The following ARFGAP1 variants were observed in gnomAD, a reference collection of about 807,000 sequenced individuals.
The protein encoded by ARFGAP1 is ADP-ribosylation factor GTPase-activating protein 1.
ARFGAP1 carries 26 observed loss-of-function variants against 54.0 expected under a neutral mutation model. That is an observed-to-expected ratio of 0.48 (90% CI 0.35 to 0.67). The LOEUF (loss-of-function observed/expected upper bound fraction) is 0.67. Among genes scored for constraint, ARFGAP1 ranks in the 30% least tolerant of loss-of-function variants. The probability of loss-of-function intolerance (pLI) is 0.00; values close to 1 mark genes in which losing one functional copy is unlikely to be tolerated. For missense variants in ARFGAP1, 525 were observed against 535.8 expected (o/e 0.98, Z 0.20); for synonymous variants, 248 against 211.9 (o/e 1.17, Z -1.48).
chr20:63,286,628 G>A (rs1042317271), intron 12 of ARFGAP1, among the ~76,000 whole-genome samples, 186 bp downstream of exon 12: 2 of 151,934 alleles, frequency 1.3e-5, no homozygotes, highest in African/African-American at 2.4e-5. Flanking sequence ...GGAGGTGGCT[G>A]GCATCTTTGC....
chr20:63,274,521 C>T (rs558645587), intron 1 of ARFGAP1, among the ~76,000 whole-genome samples: 4 of 152,146 alleles, frequency 2.6e-5, no homozygotes, highest in Non-Finnish European at 4.4e-5. Context: ...TGTGTAGCTT[C>T]CCATGGCTTA....
chr20:63,287,865 A>G lies in ARFGAP1; in HGVS notation c.1213A>G (p.Asn405Asp), dbSNP rs2067605194. The change falls in exon 13 of 13, where the codon AAC (asparagine) becomes GAC (aspartate). Residue 405 changes from asparagine to aspartate, a missense_variant. Transcript: ENST00000370283. Reference protein sequence around the residue: ...VPTDDGWDNQNW With the variant: ...VPTDDGWDNQDW ...CACTGATGATGGCTGGGACAACCAG[A>G]ACTGGTAGGGCCCACTGCGCCCCCG... The G allele has an allele frequency of 1.2e-5, 18 of 1,543,844 alleles. No homozygotes were observed. The highest frequency in any genetic ancestry group is 1.6e-5 in the Non-Finnish European group (18 of 1,143,614).
In ARFGAP1 at chr20:63,287,804, G is replaced by A. The variant is rs1458824098; in HGVS notation, c.1152G>A (p.Gly384=). The A allele has an allele frequency of 6.3e-7, 1 of 1,597,530 alleles. No individual in the cohort carries two copies. The highest frequency in any genetic ancestry group is 1.7e-5 in the Admixed American group (1 of 58,006). The change falls in exon 13 of 13, where the codon GGG becomes GGA. Residue 384 remains glycine, a synonymous_variant. Coordinates refer to ENST00000370283, the MANE Select transcript of ARFGAP1 (RefSeq NM_018209.4). ...RNSNSDGGEG[G]EGTKKAVPPA... ...GCAACAGCGACGGCGGGGAGGGCGG[G>A]GAGGGCACCAAGAAGGCAGTGCCGC... is the stretch of plus-strand genomic sequence containing the variant.
Position 63,287,828 on chromosome 20 carries a change from G to A in ARFGAP1, c.1176G>A (p.Pro392=), listed in dbSNP as rs749974167. The A allele has an allele frequency of 5.2e-5, 82 of 1,575,304 alleles. No individual in the cohort carries two copies. In the East Asian group the frequency reaches 1.2e-3, roughly 23 times the overall value. ...GGGAGGGCACCAAGAAGGCAGTGCC[G>A]CCGGCCGTGCCCACTGATGATGGCT... The part of the protein sequence containing the change: ...EGGEGTKKAV[P]PAVPTDDGWD... The change falls in exon 13 of 13, where the codon CCG becomes CCA. Residue 392 remains proline (P), a synonymous_variant. Transcript: ENST00000370283.
At position 63,278,257 on chromosome 20, in the gene ARFGAP1, G is replaced by A. The variant is rs6011716; in HGVS notation, c.530+54G>A. On this transcript the variant is annotated intron_variant, in intron 6 of 12. Transcript: ENST00000370283. The stretch of plus-strand genomic sequence containing the variant: ...GCGTGGGCCAGGCCCACAGGGTTCA[G>A]TCTGGTGGGTAGGGCTGCTTCCCTT... The A allele has an allele frequency of 1.0e-5, 16 of 1,582,418 alleles. No individual in the cohort carries two copies. In the East Asian group the frequency reaches 3.1e-4, roughly 31 times the overall value.
At chr20:63,277,175 G>A (rs1452779469) in intron 4 of ARFGAP1, 30 bp from the exon 5 acceptor site, 1 of 1,598,268 alleles carries the variant, frequency 6.3e-7, no homozygotes, top group Non-Finnish European at 8.5e-7. Context: ...GCGCCTTTAT[G>A]CTCTCGAATG....
intron 5 of ARFGAP1, 69 bp downstream of exon 5, chr20:63,277,374 A>G (rs1307012325): frequency 2.5e-5 from 34 of 1,340,838 alleles, no homozygotes; most frequent in Non-Finnish European, 3.0e-5. Context: ...TGGGTTTCCC[A>G]CAGAATTCTC....
chr20:63,286,266 T>C, intron 11 of ARFGAP1, 100 bp from the exon 12 acceptor site: 1 of 1,575,718 alleles, frequency 6.3e-7, no homozygotes, highest in Non-Finnish European at 8.6e-7. Flanking sequence ...GCCTGGGTCT[T>C]CTCAGCGGGA....
At chr20:63,283,096 C>G in intron 9 of ARFGAP1, 1 of 566,714 alleles carries the variant, frequency 1.8e-6, no homozygotes, top group Non-Finnish European at 3.2e-6. Context: ...TAGCTGGTAC[C>G]GGTGTGTGGC....
At chr20:63,277,083 G>A (rs545139035) in intron 4 of ARFGAP1, 122 bp from the exon 5 acceptor site, 70 of 760,034 alleles carry the variant, frequency 9.2e-5, no homozygotes, top group Admixed American at 3.2e-4. Context: ...CGAGGGGGCC[G>A]GGAGGAGGCT....
In ARFGAP1 at chr20:63,276,264, A is replaced by T; in HGVS notation, c.170+64A>T. 1 of 1,571,260 alleles carries T rather than the reference A, an allele frequency of 6.4e-7. No homozygotes were observed. Among genetic ancestry groups the T allele is most frequent in the Non-Finnish European group, 8.7e-7 (1 of 1,143,494 alleles). On this transcript the variant is annotated intron_variant, in intron 3 of 12. Transcript: ENST00000370283. The surrounding 1 kb of genome is among the most constrained non-coding windows in gnomAD (Gnocchi z 5.2). The stretch of plus-strand genomic sequence containing the variant: ...GGCCACCCCAGCATCTGTTCCTGAC[A>T]CCAGAGGTGCTGACGCCAGGGAAGC...
Position 63,284,919 on chromosome 20 carries a change from G to A in ARFGAP1, c.771G>A (p.Glu257=). 1.2e-6 allele frequency: 2 copies of A among 1,613,340 alleles called. No homozygotes were observed. Among genetic ancestry groups the A allele is most frequent in the Non-Finnish European group, 1.7e-6 (2 of 1,179,908 alleles). The part of the protein sequence containing the change: ...LNENVLKPAQ[E]KVKEGKIFDD... ...AGAACGTCCTCAAGCCTGCGCAGGA[G>A]AAGGTAACGGGCAGCTCCGGGTGGT... Residue 257 remains glutamate, a synonymous_variant, in exon 10 of 13, where the codon GAG becomes GAA. Transcript: ENST00000370283.
At chr20:63,279,242 A>G (rs1197975115) in intron 7 of ARFGAP1, 4 of 579,794 alleles carry the variant, frequency 6.9e-6, no homozygotes, top group Non-Finnish European at 1.3e-5. Flanking sequence ...TTTGTCGCCC[A>G]GGCTGCAGAC....
At position 63,278,904 on chromosome 20, in the gene ARFGAP1, A is replaced by AGGGGAATCGCTACGT. The variant is rs1411954349; in HGVS notation, c.541_555dup (p.Asn181_Gly185dup). ...CTTGTCCGCTTTGTTTTCAGGGCCC[A>AGGGGAATCGCTACGT]GGGGAATCGCTACGTGGGGTTTGGG... On this transcript the variant is annotated inframe_insertion, in exon 7 of 13. Coordinates refer to ENST00000370283, the MANE Select transcript of ARFGAP1 (RefSeq NM_018209.4). 6.2e-7 allele frequency: 1 copy of AGGGGAATCGCTACGT among 1,614,036 alleles called. No individual in the cohort carries two copies. Among genetic ancestry groups the AGGGGAATCGCTACGT allele is most frequent in the Non-Finnish European group, 8.5e-7 (1 of 1,180,022 alleles).
At chr20:63,284,704 G>A (rs1183942586) in intron 9 of ARFGAP1, 162 bp from the exon 10 acceptor site, 15 of 1,463,646 alleles carry the variant, frequency 1.0e-5, no homozygotes, top group Admixed American at 2.2e-5. Flanking sequence ...CCCTTCGGGT[G>A]TTGTGTGCAA....
intron 7 of ARFGAP1, among the ~76,000 whole-genome samples, chr20:63,280,580 T>C (rs2067353981): frequency 2.0e-5 from 3 of 152,260 alleles, no homozygotes; most frequent in Admixed American, 2.0e-4. Flanking sequence ...TTCCAGTCGC[T>C]CGGGGTGGCC....
intron 11 of ARFGAP1, 49 bp from the exon 12 acceptor site, chr20:63,286,317 C>A: frequency 1.9e-6 from 3 of 1,605,744 alleles, no homozygotes; most frequent in Non-Finnish European, 2.6e-6. Context: ...CCTGAAGCTG[C>A]CTGTGCCGCG....
chr20:63,278,096 G>A (rs2067278975), intron 5 of ARFGAP1, 21 bp from the exon 6 acceptor site: 2 of 1,612,806 alleles, frequency 1.2e-6, no homozygotes, highest in Admixed American at 1.7e-5. Context: ...GGCCTTACCA[G>A]CCTTCGATTC....
Position 63,276,601 on chromosome 20 carries a change from T to G in ARFGAP1, c.292T>G (p.Ser98Ala), listed in dbSNP as rs1372449757. Residue 98 changes from serine to alanine, a missense_variant, in exon 4 of 13, where the codon TCC becomes GCC. This residue lies in a region of ARFGAP1 where 466 missense variants were observed against 453.6 expected (regional missense o/e 1.03). Transcript: ENST00000370283. This position sits in a 1 kb window ranked among gnomAD's most constrained non-coding sequence, Gnocchi z 5.2. Reference protein sequence around the residue: ...ESQEDYDPCWSLQEKYNSRAA... With the variant: ...ESQEDYDPCWALQEKYNSRAA... Reference sequence around the variant, plus strand: ...TCAGGAGGATTACGATCCTTGCTGGTCCTTGCAGGAGAAGTACAACAGCAG... The same window carrying G: ...TCAGGAGGATTACGATCCTTGCTGGGCCTTGCAGGAGAAGTACAACAGCAG... The G allele has an allele frequency of 6.2e-7, 1 of 1,613,806 alleles. No homozygotes were observed. Among genetic ancestry groups the G allele is most frequent in the East Asian group, 2.2e-5 (1 of 44,892 alleles).
Sources: gnomAD v4.1 joint callset for allele counts (sites outside exome capture counted in the v4.1 genomes callset) on GRCh38, gnomAD v4.1.1 for gene constraint, gnomAD v4.1.1 regional missense constraint, Gnocchi (gnomAD v3.1) non-coding constraint, MANE v1.5 for transcripts, NCBI Gene and HGNC (gene_info 2026-07-23, HGNC 2026-07-21) for gene names.